MARVELD3: variants seen among roughly 807,000 people sequenced by gnomAD.
MARVELD3 encodes MARVEL domain containing 3, also known as MARVEL domain-containing protein 3.
MARVELD3 carries 28 observed loss-of-function variants against 33.5 expected under a neutral mutation model. The observed-to-expected ratio is 0.84, with a 90% confidence interval of 0.62 to 1.15. MARVELD3 has a LOEUF of 1.15. Ranked by LOEUF, MARVELD3 falls within the 50% of genes most tolerant of loss-of-function variation. The pLI is 0.00. For missense variants in MARVELD3, 582 were observed against 547.6 expected (o/e 1.06, Z -0.63); for synonymous variants, 241 against 230.4 (o/e 1.05, Z -0.42).
chr16:71,628,652 G>C (rs117649453), intron 1 of MARVELD3, among the ~76,000 whole-genome samples: 2,283 of 152,150 alleles, frequency 0.015, 28 homozygotes, highest in Non-Finnish European at 0.024. Flanking sequence ...TGAGGGGAAG[G>C]GGGTAGTTCA....
Position 71,635,704 on chromosome 16 carries a change from T to C in MARVELD3, c.*901T>C, listed in dbSNP as rs1231223618. On this transcript the variant is annotated 3_prime_UTR_variant, in exon 3 of 3. Transcript: ENST00000268485. ...CTAAAACACAGTTGTCTCAAGCAGA[T>C]TACTCCACACGTTTTTCCACACTGA... 4.1e-6 allele frequency: 4 copies of C among 985,310 alleles called. No homozygotes were observed. The highest frequency in any genetic ancestry group is 4.8e-6 in the Non-Finnish European group (4 of 829,944). 61.0% of individuals were successfully genotyped at this position (985,310 alleles called of 1,614,324 possible). A position where few individuals can be genotyped will look rare whatever the true frequency, so the allele number is the denominator to read the frequency against.
At chr16:71,631,683 T>G (rs889013291) in intron 2 of MARVELD3, among the ~76,000 whole-genome samples, 4 of 151,898 alleles carry the variant, frequency 2.6e-5, no homozygotes, top group African/African-American at 9.7e-5. Context: ...CCTGACCTCG[T>G]GATCTGCCCG....
downstream of MARVELD3, chr16:71,637,743 G>A (rs527881220): frequency 1.3e-5 from 2 of 152,152 alleles, no homozygotes; most frequent in African/African-American, 4.8e-5. Context: ...TGATTTCTGG[G>A]AAACCACACT....
chr16:71,635,655 G>T lies in MARVELD3; in HGVS notation c.*852G>T. The T allele has an allele frequency of 1.0e-6, 1 of 984,676 alleles. No individual in the cohort carries two copies. The highest frequency in any genetic ancestry group is 4.7e-5 in the South Asian group (1 of 21,248). 61.0% of individuals were successfully genotyped at this position (984,676 alleles called of 1,614,324 possible). ...TTCATGGAGAGCCACATAGACATGAGACCACACTTCAGCCTGAATTTTTCT... is the reference window on the plus strand; with the variant it reads ...TTCATGGAGAGCCACATAGACATGATACCACACTTCAGCCTGAATTTTTCT... On this transcript the variant is annotated 3_prime_UTR_variant, in exon 3 of 3. Coordinates refer to ENST00000268485, the MANE Select transcript of MARVELD3 (RefSeq NM_052858.6).
At chr16:71,640,916 C>G, downstream of MARVELD3, 1 of 1,614,108 alleles carries the variant, frequency 6.2e-7, no homozygotes, top group Non-Finnish European at 8.5e-7. Flanking sequence ...ACGGCGCCAG[C>G]GTGGTGCTGG....
Position 71,626,468 on chromosome 16 carries a change from A to G in MARVELD3, c.239A>G (p.Glu80Gly). The G allele has an allele frequency of 6.5e-7, 1 of 1,549,292 alleles. No individual in the cohort carries two copies. Among genetic ancestry groups the G allele is most frequent in the Non-Finnish European group, 8.7e-7 (1 of 1,146,704 alleles). Residue 80 changes from glutamate to glycine, a missense_variant, in exon 1 of 3, where the codon GAG becomes GGG. By Grantham distance (98) the Glu-to-Gly change is moderately conservative. Coordinates refer to ENST00000268485, the MANE Select transcript of MARVELD3 (RefSeq NM_052858.6). The surrounding 1 kb of genome is among the most constrained non-coding windows in gnomAD (Gnocchi z 5.3). ...AACCGGGACCGGGAGAGGGAGAGAG[A>G]GAGGGAAAGAGACCCGGACCGAGGC... ...DRNRDRERERERERDPDRGPR... is the reference protein window; with the variant it reads ...DRNRDRERERGRERDPDRGPR...
In MARVELD3 at chr16:71,636,089, T is replaced by G; in HGVS notation, c.*1286T>G. 1.0e-6 allele frequency: 1 copy of G among 985,336 alleles called. No individual in the cohort carries two copies. Among genetic ancestry groups the G allele is most frequent in the South Asian group, 4.7e-5 (1 of 21,290 alleles). 61.0% of individuals were successfully genotyped at this position (985,336 alleles called of 1,614,324 possible). A position where few individuals can be genotyped will look rare whatever the true frequency, so the allele number is the denominator to read the frequency against. On this transcript the variant is annotated 3_prime_UTR_variant, in exon 3 of 3. Transcript: ENST00000268485. ...CATTAAATTATGACTTATGGAACAT[T>G]GCAATATATTCTCGGTCCTTAAGTT...
In MARVELD3 at chr16:71,626,726, G is replaced by A; in HGVS notation, c.467+30G>A. 4 of 1,424,584 alleles carry A rather than the reference G, an allele frequency of 2.8e-6. No homozygotes were observed. The highest frequency in any genetic ancestry group is 3.6e-6 in the Non-Finnish European group (4 of 1,095,898). The allele number at this position is 1,424,584 out of a possible 1,614,324, so 88.2% of individuals were successfully genotyped here. ...GAGGGGCCGGGGCGCTGCGACCTCC[G>A]CGCCGGGGACACCTGTGGCCCAGGC... is the stretch of plus-strand genomic sequence containing the variant. On this transcript the variant is annotated intron_variant, in intron 1 of 2. Coordinates refer to ENST00000268485, the MANE Select transcript of MARVELD3 (RefSeq NM_052858.6). This position sits in a 1 kb window ranked among gnomAD's most constrained non-coding sequence, Gnocchi z 5.3.
rs1365378332 is a variant in MARVELD3 at position 71,634,177 on chromosome 16, C to A, written c.596-16C>A. 1 of 1,584,410 alleles carries A rather than the reference C, an allele frequency of 6.3e-7. No homozygotes were observed. The highest frequency in any genetic ancestry group is 8.6e-7 in the Non-Finnish European group (1 of 1,163,802). Reference sequence around the variant, plus strand: ...AAACAGCATCACTCAAAAATGGTAACACCCTTTTTTTGCAGCCTGCTGCCA... The same window carrying A: ...AAACAGCATCACTCAAAAATGGTAAAACCCTTTTTTTGCAGCCTGCTGCCA... On this transcript the variant is annotated splice_polypyrimidine_tract_variant and intron_variant, in intron 2 of 2. Coordinates refer to ENST00000268485, the MANE Select transcript of MARVELD3 (RefSeq NM_052858.6).
chr16:71,631,283 T>C (rs2044529837), intron 2 of MARVELD3, among the ~76,000 whole-genome samples: 1 of 152,156 alleles, frequency 6.6e-6, no homozygotes, highest in African/African-American at 2.4e-5. Context: ...GACTGTGTTC[T>C]TAATGAGAGA....
At chr16:71,637,846 A>G (rs2044591618), downstream of MARVELD3, 1 of 152,108 alleles carries the variant, frequency 6.6e-6, no homozygotes, top group African/African-American at 2.4e-5. Flanking sequence ...CCATTTGTAC[A>G]TTATTTTATT....
At position 71,635,550 on chromosome 16, in the gene MARVELD3, T is replaced by G. The variant is rs1597078393; in HGVS notation, c.*747T>G. ...TGAACCCAGGAGTTCAAGTTTGCAG[T>G]GCGCTATGATTGTCCCACTACACTC... On this transcript the variant is annotated 3_prime_UTR_variant, in exon 3 of 3. Coordinates refer to ENST00000268485, the MANE Select transcript of MARVELD3 (RefSeq NM_052858.6). 1.0e-6 allele frequency: 1 copy of G among 982,128 alleles called. No individual in the cohort carries two copies. The highest frequency in any genetic ancestry group is 1.1e-4 in the East Asian group (1 of 8,764). The allele number at this position is 982,128 out of a possible 1,614,324, so 60.8% of individuals were successfully genotyped here.
chr16:71,634,869 C>T lies in MARVELD3; in HGVS notation c.*66C>T, dbSNP rs1426588579. On this transcript the variant is annotated 3_prime_UTR_variant, in exon 3 of 3. Transcript: ENST00000268485. ...AGGTAGTCTGAGCCACTGCCTTTCC[C>T]AAGAATCCCTTGTTGTGGAAGTTTC... is the stretch of plus-strand genomic sequence containing the variant. 2.6e-6 allele frequency: 4 copies of T among 1,520,312 alleles called. No homozygotes were observed. Among genetic ancestry groups the T allele is most frequent in the Non-Finnish European group, 2.6e-6 (3 of 1,137,428 alleles). 94.2% of individuals were successfully genotyped at this position (1,520,312 alleles called of 1,614,324 possible). A position where few individuals can be genotyped will look rare whatever the true frequency, so the allele number is the denominator to read the frequency against.
chr16:71,639,802 C>T (rs73576298), downstream of MARVELD3, among the ~76,000 whole-genome samples: 336 of 152,218 alleles, frequency 2.2e-3, no homozygotes, highest in African/African-American at 7.2e-3. Context: ...TGGGTGTACC[C>T]GTTTGTGTAA....
In MARVELD3 at chr16:71,634,555, G is replaced by A. The variant is rs771249016; in HGVS notation, c.958G>A (p.Ala320Thr). Residue 320 changes from alanine to threonine, a missense_variant, in exon 3 of 3, where the codon GCC (alanine) becomes ACC (threonine). Physicochemically the swap from Ala to Thr is moderately conservative, Grantham distance 58 (BLOSUM62 0). Transcript: ENST00000268485. ...GCTCATCGCGGGGGGGTACATCCCG[G>A]CCTTGTACTTCTACTTCCACTACCT... ...DMLIAGGYIP[A>T]LYFYFHYLSA... The A allele has an allele frequency of 3.7e-6, 6 of 1,614,078 alleles. No homozygotes were observed. Among genetic ancestry groups the A allele is most frequent in the African/African-American group, 2.7e-5 (2 of 74,926 alleles).
chr16:71,640,772 G>A (rs1207223892), downstream of MARVELD3: 2 of 1,614,258 alleles, frequency 1.2e-6, no homozygotes, highest in Middle Eastern at 1.6e-4. Context: ...ACGTGGCTCT[G>A]CAGATCAATA....
intron 2 of MARVELD3, among the ~76,000 whole-genome samples, 159 bp from the exon 3 acceptor site, chr16:71,634,034 C>G (rs1567605333): frequency 6.6e-6 from 1 of 152,214 alleles, no homozygotes; most frequent in Non-Finnish European, 1.5e-5. Context: ...CAGTTCCCTA[C>G]TGCCCCCTAG....
downstream of MARVELD3, chr16:71,641,162 A>G: frequency 1.7e-6 from 2 of 1,157,046 alleles, no homozygotes; most frequent in Non-Finnish European, 2.4e-6. Flanking sequence ...GGCAAAGTTA[A>G]AGAATTGAGG....
At chr16:71,634,044 G>A in intron 2 of MARVELD3, 149 bp from the exon 3 acceptor site, 1 of 1,283,068 alleles carries the variant, frequency 7.8e-7, no homozygotes, top group South Asian at 1.6e-5. Context: ...CTGCCCCCTA[G>A]TTTTAATCGC....
Sources: allele counts gnomAD v4.1 joint callset (sites outside exome capture counted in the v4.1 genomes callset), GRCh38; gene constraint gnomAD v4.1.1; non-coding constraint Gnocchi (gnomAD v3.1); transcripts MANE v1.5; gene names NCBI Gene and HGNC (gene_info 2026-07-23, HGNC 2026-07-21).